Variants in SDK1 observed in about 807,000 individuals in gnomAD.
SDK1 encodes the protein protein sidekick-1.
Under a neutral mutation model 245.5 loss-of-function variants are expected in SDK1, and 157 were observed. The observed-to-expected ratio is 0.64, with a 90% CI of 0.56 to 0.73. SDK1 has a LOEUF of 0.73. SDK1 is among the 30% of genes least tolerant of loss of function. SDK1 has a pLI of 0.00. For synonymous variants in SDK1, 1,647 were observed against 1,278.5 expected (o/e 1.29, Z -6.15); for missense variants, 3,583 against 3,002.3 (o/e 1.19, Z -4.52).
In SDK1 at chr7:3,601,538, C is replaced by G. The variant is rs548029433; in HGVS notation, c.299-17542C>G. Among the ~76,000 whole-genome samples, 71 of 151,738 alleles carry G rather than the reference C, an allele frequency of 4.7e-4. 2 individuals carry two copies. The South Asian group carries it at 0.015, about 32-fold the overall frequency. ...GTTCATAGTATTCTTTTTTTAATGACTTCAATATCTGCAGTGATACCATTG... is the reference window on the plus strand; with the variant it reads ...GTTCATAGTATTCTTTTTTTAATGAGTTCAATATCTGCAGTGATACCATTG... On this transcript the variant is annotated intron_variant, in intron 1 of 44. Coordinates refer to ENST00000404826, the MANE Select transcript of SDK1 (RefSeq NM_152744.4).
At chr7:3,349,303 A>T (rs59190600) in intron 1 of SDK1, among the ~76,000 whole-genome samples, 1 of 152,068 alleles carries the variant, frequency 6.6e-6, no homozygotes, top group Non-Finnish European at 1.5e-5. Context: ...TCTCACCCTT[A>T]TTAGACTGTG....
chr7:3,460,158 C>G (rs111332732), intron 1 of SDK1, among the ~76,000 whole-genome samples: 24 of 152,086 alleles, frequency 1.6e-4, no homozygotes, highest in Non-Finnish European at 4.4e-5. Flanking sequence ...AAACATTTAT[C>G]TTTTTGATGG....
chr7:3,360,752 T>C (rs905536198), intron 1 of SDK1, among the ~76,000 whole-genome samples: 12 of 152,174 alleles, frequency 7.9e-5, no homozygotes, highest in Non-Finnish European at 1.6e-4. Flanking sequence ...ATTCTGTCAG[T>C]CTGACTGTAT....
chr7:3,521,217 A>G (rs1015426826), intron 1 of SDK1, among the ~76,000 whole-genome samples: 1 of 152,166 alleles, frequency 6.6e-6, no homozygotes, highest in Non-Finnish European at 1.5e-5. Context: ...AGAGCCATTC[A>G]AGGGAATCTT....
chr7:3,472,099 A>T (rs1233253707), intron 1 of SDK1, among the ~76,000 whole-genome samples: 1 of 152,048 alleles, frequency 6.6e-6, no homozygotes, highest in Non-Finnish European at 1.5e-5. Context: ...CTTATCCTTT[A>T]TCTGTGTCTC....
At chr7:3,677,747 A>T (rs1273496596) in intron 4 of SDK1, among the ~76,000 whole-genome samples, 1 of 152,234 alleles carries the variant, frequency 6.6e-6, no homozygotes, top group East Asian at 1.9e-4. Context: ...CTTAAGACTT[A>T]CTATGTTGCT....
At chr7:4,207,070 G>C (rs185566535) in intron 36 of SDK1, among the ~76,000 whole-genome samples, 209 of 152,334 alleles carry the variant, frequency 1.4e-3, no homozygotes, top group African/African-American at 4.8e-3. Flanking sequence ...GCCTGGGCGA[G>C]CGGAAGATCT....
chr7:3,613,775 C>A (rs1253210886), intron 1 of SDK1, among the ~76,000 whole-genome samples: 2 of 152,184 alleles, frequency 1.3e-5, no homozygotes, highest in African/African-American at 2.4e-5. Context: ...TACATATACA[C>A]CATGGAATAC....
At chr7:3,781,683 A>C (rs1562439269) in intron 4 of SDK1, among the ~76,000 whole-genome samples, 4 of 152,182 alleles carry the variant, frequency 2.6e-5, no homozygotes, top group Admixed American at 2.0e-4. Flanking sequence ...AAATTTGGAA[A>C]ACAGTACACA....
chr7:3,768,072 C>G (rs1780305228), intron 4 of SDK1, among the ~76,000 whole-genome samples: 1 of 152,192 alleles, frequency 6.6e-6, no homozygotes, highest in Non-Finnish European at 1.5e-5. Flanking sequence ...CAATAAGAGG[C>G]AAAAGCATGG....
chr7:3,634,666 C>A (rs931416447), intron 2 of SDK1, among the ~76,000 whole-genome samples: 2 of 152,210 alleles, frequency 1.3e-5, no homozygotes, highest in Admixed American at 6.5e-5. Context: ...AATAGACTTA[C>A]AATGAATATT....
chr7:3,983,733 T>C (rs546932858), intron 13 of SDK1, among the ~76,000 whole-genome samples: 1 of 152,300 alleles, frequency 6.6e-6, no homozygotes, highest in Non-Finnish European at 1.5e-5. Context: ...AGAGATATTA[T>C]CAAGGGGATT....
chr7:3,881,416 C>T (rs1303951041), intron 5 of SDK1, among the ~76,000 whole-genome samples: 2 of 152,194 alleles, frequency 1.3e-5, no homozygotes, highest in African/African-American at 4.8e-5. Flanking sequence ...TTCTGCGTCC[C>T]TGCAAACGAC....
intron 1 of SDK1, among the ~76,000 whole-genome samples, chr7:3,548,556 G>A (rs6966652): frequency 0.36 from 55,109 of 152,034 alleles, 10,337 homozygotes; most frequent in African/African-American, 0.46. Flanking sequence ...GTCTACATTG[G>A]TAAGTGGATA....
chr7:3,333,751 C>G (rs1019187907), intron 1 of SDK1, among the ~76,000 whole-genome samples: 1 of 152,174 alleles, frequency 6.6e-6, no homozygotes, highest in Non-Finnish European at 1.5e-5. Context: ...AGGACAGACT[C>G]TAATTCTTCC....
chr7:3,538,966 A>G (rs1443945352), intron 1 of SDK1, among the ~76,000 whole-genome samples: 1 of 152,220 alleles, frequency 6.6e-6, no homozygotes, highest in Non-Finnish European at 1.5e-5. Context: ...TTCCTGTCCC[A>G]TCCCCCAAAC....
chr7:3,609,991 A>C (rs1583223710), intron 1 of SDK1, among the ~76,000 whole-genome samples: 1 of 152,312 alleles, frequency 6.6e-6, no homozygotes. Flanking sequence ...AGGAGCCATC[A>C]TACCTGGCAT....
intron 10 of SDK1, among the ~76,000 whole-genome samples, chr7:3,968,237 A>T (rs1017832861): frequency 6.6e-6 from 1 of 152,216 alleles, no homozygotes; most frequent in South Asian, 2.1e-4. Context: ...GCTTCAGCCC[A>T]CTGTGGGTTC....
At chr7:4,015,760 C>T (rs1380648292) in intron 16 of SDK1, among the ~76,000 whole-genome samples, 1 of 152,206 alleles carries the variant, frequency 6.6e-6, no homozygotes, top group Non-Finnish European at 1.5e-5. Flanking sequence ...CAGGCAAGCC[C>T]AGAGGCCACT....
Sources: allele counts gnomAD v4.1 joint callset (sites outside exome capture counted in the v4.1 genomes callset), GRCh38; gene constraint gnomAD v4.1.1; transcripts MANE v1.5; gene names NCBI Gene and HGNC (gene_info 2026-07-23, HGNC 2026-07-21).